The following AGAP3 variants were observed in gnomAD, a reference collection of about 807,000 sequenced individuals.
The protein encoded by AGAP3 is ArfGAP with GTPase domain, ankyrin repeat and PH domain 3, also known as arf-GAP with GTPase, ANK repeat and PH domain-containing protein 3.
A neutral mutation model predicts 96.9 loss-of-function variants in AGAP3; 24 were observed. That is an observed-to-expected ratio of 0.25 (90% CI 0.18 to 0.35). AGAP3 has a LOEUF of 0.35. AGAP3 is among the 10% of genes least tolerant of loss of function. AGAP3 has a pLI of 1.00. For missense variants in AGAP3, 876 were observed against 1,254.2 expected, an observed-to-expected ratio of 0.70 and a Z score of 4.55; for synonymous variants, 563 against 536.1, an observed-to-expected ratio of 1.05 and a Z score of -0.69.
chr7:151,105,696 G>T (rs1212803354), intron 1 of AGAP3, among the ~76,000 whole-genome samples: 1 of 150,888 alleles, frequency 6.6e-6, no homozygotes, highest in Admixed American at 6.7e-5. Flanking sequence ...AGCCCGGGAG[G>T]GGAGAGGCTC....
chr7:151,126,296 G>C (rs1800167356), intron 9 of AGAP3, among the ~76,000 whole-genome samples: 1 of 151,952 alleles, frequency 6.6e-6, no homozygotes, highest in Non-Finnish European at 1.5e-5. Flanking sequence ...CGGAGAAACC[G>C]CGCGCAGTGC....
At chr7:151,138,026 C>A in intron 11 of AGAP3, 117 bp from the exon 12 acceptor site, 1 of 837,316 alleles carries the variant, frequency 1.2e-6, no homozygotes, top group Non-Finnish European at 1.9e-6. Flanking sequence ...ACCTGATGAA[C>A]CCAGTGCCCT....
chr7:151,116,495 G>A (rs969078492), intron 1 of AGAP3: 16 of 486,014 alleles, frequency 3.3e-5, no homozygotes, highest in Non-Finnish European at 5.2e-5. Flanking sequence ...GGCTTGGTGG[G>A]GGGACAATAA....
chr7:151,129,989 C>T (rs1447290653), intron 10 of AGAP3, among the ~76,000 whole-genome samples: 1 of 152,240 alleles, frequency 6.6e-6, no homozygotes, highest in East Asian at 1.9e-4. Flanking sequence ...CAGGAGACTG[C>T]ACCAGCGTCT....
intron 1 of AGAP3, 104 bp downstream of exon 1, chr7:151,087,176 C>T: frequency 7.7e-7 from 1 of 1,297,446 alleles, no homozygotes; most frequent in East Asian, 2.6e-5. Flanking sequence ...TGTCGGGGGT[C>T]CTTGCGCGCT....
At position 151,140,848 on chromosome 7, in the gene AGAP3, G is replaced by A. The variant is rs1412032151; in HGVS notation, c.1804+732G>A. ...CCCCACAAATGATCATGGAGATCAC[G>A]TAGTTCGAAGGCTGTGGTTGAAAGC... On this transcript the variant is annotated intron_variant, in intron 13 of 17. Coordinates refer to ENST00000397238, the MANE Select transcript of AGAP3 (RefSeq NM_031946.7). The surrounding 1 kb of genome is among the most constrained non-coding windows in gnomAD (Gnocchi z 5.4). 1.3e-5 allele frequency: 2 copies of A among 152,214 alleles called. No homozygotes were observed. 9.4% of individuals were successfully genotyped at this position (152,214 alleles called of 1,614,324 possible). A position where few individuals can be genotyped will look rare whatever the true frequency, so the allele number is the denominator to read the frequency against.
chr7:151,108,193 G>A lies in AGAP3; in HGVS notation c.332-8600G>A, dbSNP rs917853075. 4.6e-5 allele frequency among the ~76,000 whole-genome samples: 7 copies of A among 152,214 alleles called. No homozygotes were observed. The highest frequency in any genetic ancestry group is 7.2e-5 in the African/African-American group (3 of 41,448). On this transcript the variant is annotated intron_variant, in intron 1 of 17. Transcript: ENST00000397238. The surrounding 1 kb of genome is among the most constrained non-coding windows in gnomAD (Gnocchi z 4.2). The stretch of plus-strand genomic sequence containing the variant: ...CAGATGGGGGACATGCTAAGGGACC[G>A]AGTCTTCGAGGGGAGGGCCTTTGTC...
At chr7:151,138,061 G>A in intron 11 of AGAP3, 82 bp from the exon 12 acceptor site, 1 of 1,114,778 alleles carries the variant, frequency 9.0e-7, no homozygotes, top group Non-Finnish European at 1.3e-6. Flanking sequence ...GCTCTGCTCT[G>A]CAGCTCTATT....
intron 1 of AGAP3, among the ~76,000 whole-genome samples, chr7:151,109,864 G>A (rs185838948): frequency 9.8e-5 from 15 of 152,318 alleles, no homozygotes; most frequent in Admixed American, 2.0e-4. Context: ...TCTCCCTTGC[G>A]CAATAGGAGC....
chr7:151,130,459 C>T lies in AGAP3; in HGVS notation c.1326+1775C>T, dbSNP rs1800359214. 2.0e-5 allele frequency among the ~76,000 whole-genome samples: 3 copies of T among 152,154 alleles called. No individual in the cohort carries two copies. In the South Asian group the frequency reaches 6.2e-4, roughly 32 times the overall value. On this transcript the variant is annotated intron_variant, in intron 10 of 17. Coordinates refer to ENST00000397238, the MANE Select transcript of AGAP3 (RefSeq NM_031946.7). ...TGAGCATTACCCAGATTTTTCTGCA[C>T]TTGCCAAGAGCACCTCCCTCTGGGG...
At chr7:151,115,479 T>C (rs1346419087) in intron 1 of AGAP3, 5 of 1,014,736 alleles carry the variant, frequency 4.9e-6, no homozygotes, top group Middle Eastern at 4.8e-4. Context: ...CCTGCTGGGC[T>C]CCGACGCCCC....
intron 1 of AGAP3, among the ~76,000 whole-genome samples, chr7:151,088,915 G>T (rs931021520): frequency 6.6e-6 from 1 of 152,150 alleles, no homozygotes; most frequent in Non-Finnish European, 1.5e-5. Context: ...CCATGGTTCC[G>T]TCTACTAGGC....
chr7:151,092,738 C>T (rs982745207), intron 1 of AGAP3, among the ~76,000 whole-genome samples: 7 of 152,072 alleles, frequency 4.6e-5, no homozygotes, highest in Admixed American at 1.3e-4. Flanking sequence ...CCTGAAGCCA[C>T]GCAGTGAGGG....
At chr7:151,136,351 C>G (rs145618985) in intron 11 of AGAP3, 1 of 152,204 alleles carries the variant, frequency 6.6e-6, no homozygotes, top group African/African-American at 2.4e-5. Flanking sequence ...GAGACAGCCC[C>G]GTGCCCTCGC....
chr7:151,092,484 C>G (rs1207208184), intron 1 of AGAP3, among the ~76,000 whole-genome samples: 1 of 152,164 alleles, frequency 6.6e-6, no homozygotes, highest in East Asian at 1.9e-4. Context: ...TATTTTGGAG[C>G]GCAGAGTTGA....
intron 12 of AGAP3, among the ~76,000 whole-genome samples, chr7:151,138,565 C>T (rs1290729518): frequency 6.6e-6 from 1 of 152,182 alleles, no homozygotes; most frequent in Non-Finnish European, 1.5e-5. Context: ...CCCCAGAGCC[C>T]CCATCTGCCT....
intron 1 of AGAP3, chr7:151,115,575 G>A: frequency 1.7e-6 from 2 of 1,147,078 alleles, no homozygotes; most frequent in Non-Finnish European, 2.1e-6. Flanking sequence ...GAGGGAGCCC[G>A]CGCCCGCCGC....
intron 9 of AGAP3, chr7:151,128,203 C>T (rs1800257461): frequency 9.4e-6 from 2 of 213,694 alleles, no homozygotes; most frequent in Non-Finnish European, 9.6e-6. Flanking sequence ...CCACTATCTA[C>T]ACCCCTGAGC....
In AGAP3 at chr7:151,127,944, C is replaced by T. The variant is rs77911598; in HGVS notation, c.1222-636C>T. On this transcript the variant is annotated intron_variant, in intron 9 of 17. Transcript: ENST00000397238. ...GGCAGGCTCCTTGTTGTGGCACTTT[C>T]GCTCATTCTTCTAGCCATCCAGCCT... 4.0e-3 allele frequency among the ~76,000 whole-genome samples: 605 copies of T among 152,306 alleles called. 6 individuals are homozygous for T. The highest frequency in any genetic ancestry group is 0.017 in the Middle Eastern group (5 of 294).
Sources: allele counts gnomAD v4.1 joint callset (sites outside exome capture counted in the v4.1 genomes callset), GRCh38; gene constraint gnomAD v4.1.1; non-coding constraint Gnocchi (gnomAD v3.1); transcripts MANE v1.5; gene names NCBI Gene and HGNC (gene_info 2026-07-23, HGNC 2026-07-21).